The following CLVS2 variants were observed in gnomAD, a reference collection of about 807,000 sequenced individuals.
CLVS2 encodes the protein clavesin-2.
Under a neutral mutation model 29.0 loss-of-function variants are expected in CLVS2, and 19 were observed. That is an observed-to-expected ratio of 0.66 (90% CI 0.46 to 0.96). The LOEUF (loss-of-function observed/expected upper bound fraction) is 0.96. Ranked by LOEUF, CLVS2 falls within the 40% of genes least tolerant of loss-of-function variation. CLVS2 has a pLI of 0.00. For synonymous variants in CLVS2, 161 were observed against 151.3 expected (o/e 1.06, Z -0.47); for missense variants, 294 against 404.1 (o/e 0.73, Z 2.34).
intron 2 of CLVS2, among the ~76,000 whole-genome samples, chr6:123,007,276 A>G (rs1774682892): frequency 6.6e-6 from 1 of 152,194 alleles, no homozygotes; most frequent in African/African-American, 2.4e-5. Context: ...ATTCTGTCCT[A>G]TGAGGTAACT....
At chr6:123,046,250 T>A (rs1473275049) in intron 3 of CLVS2, among the ~76,000 whole-genome samples, 1 of 152,196 alleles carries the variant, frequency 6.6e-6, no homozygotes, top group African/African-American at 2.4e-5. Flanking sequence ...TAAAGCTGTG[T>A]CCAAGAAAGC....
intron 4 of CLVS2, among the ~76,000 whole-genome samples, chr6:123,049,503 T>C (rs901857262): frequency 2.6e-5 from 4 of 152,170 alleles, no homozygotes; most frequent in Non-Finnish European, 4.4e-5. Context: ...AGTCCTGGAA[T>C]GGATAAATAA....
At chr6:123,025,855 T>C (rs1309701467) in intron 3 of CLVS2, among the ~76,000 whole-genome samples, 2 of 152,190 alleles carry the variant, frequency 1.3e-5, no homozygotes, top group African/African-American at 4.8e-5. Context: ...GCCTAGTTTC[T>C]TTCTCTTTCT....
At chr6:123,000,751 T>A (rs1387036266) in intron 2 of CLVS2, among the ~76,000 whole-genome samples, 4 of 152,236 alleles carry the variant, frequency 2.6e-5, no homozygotes, top group Admixed American at 2.6e-4. Context: ...TCCAGAAGAC[T>A]GCATGTCTGA....
intron 5 of CLVS2, among the ~76,000 whole-genome samples, chr6:123,062,195 G>C (rs933031694): frequency 2.0e-5 from 3 of 152,106 alleles, no homozygotes; most frequent in South Asian, 4.1e-4. Flanking sequence ...ATTCATCTGA[G>C]AGCCAATTTG....
At chr6:123,003,958 TTG>T (rs536683839) in intron 2 of CLVS2, among the ~76,000 whole-genome samples, 2 of 151,882 alleles carry the variant, frequency 1.3e-5, no homozygotes, top group Admixed American at 6.6e-5. Flanking sequence ...TAGTCGCTTT[TTG>T]TGTGTGTGTG....
At chr6:123,047,624 T>C (rs1338687619) in intron 3 of CLVS2, among the ~76,000 whole-genome samples, 1 of 152,202 alleles carries the variant, frequency 6.6e-6, no homozygotes, top group African/African-American at 2.4e-5. Context: ...AACATTTAAA[T>C]TGAAAAAATA....
chr6:123,009,933 A>G (rs945532111), intron 2 of CLVS2, among the ~76,000 whole-genome samples: 1 of 151,988 alleles, frequency 6.6e-6, no homozygotes, highest in African/African-American at 2.4e-5. Context: ...TTTAGGATCC[A>G]TTTGTTTCAG....
intron 3 of CLVS2, among the ~76,000 whole-genome samples, chr6:123,047,983 G>A (rs964168670): frequency 6.6e-6 from 1 of 152,160 alleles, no homozygotes; most frequent in Non-Finnish European, 1.5e-5. Context: ...CCTGTGGAGT[G>A]AGATCAGAGA....
intron 2 of CLVS2, among the ~76,000 whole-genome samples, chr6:123,005,625 G>T (rs1774656691): frequency 1.3e-5 from 2 of 152,184 alleles, no homozygotes; most frequent in Admixed American, 6.5e-5. Flanking sequence ...TAGAGGAGGA[G>T]ATGCTGAGAA....
At chr6:123,032,661 G>A (rs1775099258) in intron 3 of CLVS2, among the ~76,000 whole-genome samples, 1 of 152,088 alleles carries the variant, frequency 6.6e-6, no homozygotes, top group African/African-American at 2.4e-5. Context: ...AGTATGTGAA[G>A]TAGCATATTC....
At chr6:123,005,863 C>G (rs1015092457) in intron 2 of CLVS2, among the ~76,000 whole-genome samples, 1 of 152,102 alleles carries the variant, frequency 6.6e-6, no homozygotes, top group Admixed American at 6.5e-5. Flanking sequence ...TTAAATGATG[C>G]CATTATGGCA....
chr6:123,047,827 A>G (rs1211245030), intron 3 of CLVS2, among the ~76,000 whole-genome samples: 2 of 152,024 alleles, frequency 1.3e-5, no homozygotes, highest in Non-Finnish European at 2.9e-5. Context: ...AGATCCATTT[A>G]TGTAGAATCA....
intron 5 of CLVS2, among the ~76,000 whole-genome samples, chr6:123,063,169 G>T (rs1772803152): frequency 6.6e-6 from 1 of 151,924 alleles, no homozygotes; most frequent in South Asian, 2.1e-4. Flanking sequence ...TTGATCTTTT[G>T]GTTGATACAA....
chr6:123,006,332 A>G (rs901828881), intron 2 of CLVS2, among the ~76,000 whole-genome samples: 1 of 152,202 alleles, frequency 6.6e-6, no homozygotes, highest in Non-Finnish European at 1.5e-5. Flanking sequence ...AAGTATGGTT[A>G]TTAAGGGAAT....
chr6:123,018,484 A>C lies in CLVS2; in HGVS notation c.564+7325A>C, dbSNP rs542722104. On this transcript the variant is annotated intron_variant, in intron 3 of 5. Transcript: ENST00000275162. ...AATTTTATCTCATGAACACTTAATT[A>C]AAATCTTTCAAGTATCAATTTAAAG... is the stretch of plus-strand genomic sequence containing the variant. Among the ~76,000 whole-genome samples the C allele has an allele frequency of 1.3e-5, 2 of 152,062 alleles. 1 individual carries two copies. The highest frequency in any genetic ancestry group is 3.9e-4 in the East Asian group (2 of 5,156).
intron 2 of CLVS2, among the ~76,000 whole-genome samples, chr6:123,010,452 A>G (rs2114307298): frequency 6.6e-6 from 1 of 152,104 alleles, no homozygotes; most frequent in South Asian, 2.1e-4. Flanking sequence ...TCCCACTTTT[A>G]TTTATATTTA....
At chr6:123,048,490 T>C (rs921710586) in intron 3 of CLVS2, 132 bp from the exon 4 acceptor site, 1 of 583,366 alleles carries the variant, frequency 1.7e-6, no homozygotes, top group Non-Finnish European at 3.0e-6. Context: ...GTTCTTCTTT[T>C]CTCTCCTTAA....
chr6:123,056,027 G>T lies in CLVS2; in HGVS notation c.896+1G>T. 1 of 1,607,128 alleles carries T rather than the reference G, an allele frequency of 6.2e-7. No homozygotes were observed. Among genetic ancestry groups the T allele is most frequent in the South Asian group, 1.1e-5 (1 of 90,496 alleles). Reference sequence around the variant, plus strand: ...AACTCTCCCCAAAGTCCATGAAGAGGTATGCTGGAGGTAGACTGGGGAGTG... The same window carrying T: ...AACTCTCCCCAAAGTCCATGAAGAGTTATGCTGGAGGTAGACTGGGGAGTG... On this transcript the variant is annotated splice_donor_variant, in intron 5 of 5. Coordinates refer to ENST00000275162, the MANE Select transcript of CLVS2 (RefSeq NM_001010852.4). LOFTEE classifies it high-confidence loss of function.
Sources: gnomAD v4.1 joint callset for allele counts (sites outside exome capture counted in the v4.1 genomes callset) on GRCh38, gnomAD v4.1.1 for gene constraint, MANE v1.5 for transcripts, NCBI Gene and HGNC (gene_info 2026-07-23, HGNC 2026-07-21) for gene names.